ACKR5: variants seen among roughly 807,000 people sequenced by gnomAD.
ACKR5 encodes atypical chemokine receptor 5, also known as G protein-coupled receptor 182.
At chr12:56,994,793 TAAC>T in the ACKR5 span, 13 of 206,640 alleles carry the variant, frequency 6.3e-5, no homozygotes, top group African/African-American at 3.0e-4. Context: ...ACGGTCCAAA[TAAC>T]AAGACAGAAA....
the ACKR5 span, chr12:56,997,108 T>C: frequency 6.6e-6 from 1 of 152,126 alleles, no homozygotes; most frequent in Non-Finnish European, 1.5e-5. Context: ...CACCCTCCCC[T>C]CCCCGTTGTC....
At chr12:56,995,635 C>T in the ACKR5 span, 22 of 1,614,018 alleles carry the variant, frequency 1.4e-5, no homozygotes, top group Non-Finnish European at 1.7e-5. This position sits in a 1 kb window ranked among gnomAD's most constrained non-coding sequence, Gnocchi z 4.7. Context: ...GCAGCATCTT[C>T]TTCCTGGTGT....
chr12:56,994,505 A>G, the ACKR5 span: 1 of 152,566 alleles, frequency 6.6e-6, no homozygotes, highest in African/African-American at 2.4e-5. Flanking sequence ...AGTGACAGCT[A>G]CTTCCCGGAT....
At chr12:56,995,476 C>A in the ACKR5 span, 1 of 1,614,200 alleles carries the variant, frequency 6.2e-7, no homozygotes, top group Admixed American at 1.7e-5. This position sits in a 1 kb window ranked among gnomAD's most constrained non-coding sequence, Gnocchi z 4.7. Flanking sequence ...GGCTGATGAA[C>A]CTCTACATCC....
chr12:56,998,833 T>C, the ACKR5 span: 1 of 152,674 alleles, frequency 6.5e-6, no homozygotes, highest in Non-Finnish European at 1.5e-5. Context: ...AAGAGAACTC[T>C]CATTTCAAAT....
chr12:56,996,104 T>C, the ACKR5 span: 6 of 1,613,704 alleles, frequency 3.7e-6, no homozygotes, highest in Non-Finnish European at 5.1e-6. Flanking sequence ...CCACCTGCTC[T>C]ACTTCTTCTA....
the ACKR5 span, chr12:56,996,964 A>G: frequency 6.5e-6 from 1 of 153,290 alleles, no homozygotes; most frequent in Admixed American, 6.5e-5. Context: ...CACAGCCATG[A>G]TAAGTGAAGG....
the ACKR5 span, chr12:56,994,735 A>G: frequency 4.9e-5 from 8 of 163,650 alleles, no homozygotes; most frequent in Admixed American, 2.2e-4. Flanking sequence ...TTTCCTAGGG[A>G]TGAATCAGAT....
At chr12:56,995,518 CCTGT>C in the ACKR5 span, 1 of 1,614,178 alleles carries the variant, frequency 6.2e-7, no homozygotes. The surrounding 1 kb of genome is among the most constrained non-coding windows in gnomAD (Gnocchi z 4.7). Context: ...TGGGCATTGT[CCTGT>C]CTCTGCCCGT....
At chr12:56,994,772 G>A in the ACKR5 span, 1 of 198,726 alleles carries the variant, frequency 5.0e-6, no homozygotes, top group Non-Finnish European at 1.0e-5. Context: ...GTGTGTGTGT[G>A]TTCCACACTC....
the ACKR5 span, chr12:56,995,764 G>T: frequency 6.2e-7 from 1 of 1,613,912 alleles, no homozygotes; most frequent in Non-Finnish European, 8.5e-7. The surrounding 1 kb of genome is among the most constrained non-coding windows in gnomAD (Gnocchi z 4.7). Flanking sequence ...CCATCATCCC[G>T]CTGCCTGAGG....
chr12:56,996,323 G>A, the ACKR5 span: 1 of 1,614,166 alleles, frequency 6.2e-7, no homozygotes, highest in Admixed American at 1.7e-5. Context: ...CCAGCCTGCT[G>A]CAGCAGCCCC....
the ACKR5 span, chr12:56,997,707 C>A: frequency 6.6e-6 from 1 of 152,228 alleles, no homozygotes; most frequent in Non-Finnish European, 1.5e-5. Flanking sequence ...TGGATGGAAT[C>A]ACTGATAGCC....
chr12:56,996,386 TC>T, the ACKR5 span: 3 of 1,599,242 alleles, frequency 1.9e-6, no homozygotes, highest in Non-Finnish European at 2.6e-6. Context: ...TCCAAATACT[TC>T]CCCCATCTCT....
chr12:56,998,116 A>G, the ACKR5 span: 1 of 152,242 alleles, frequency 6.6e-6, no homozygotes, highest in Admixed American at 6.5e-5. Flanking sequence ...TGATGCCCAT[A>G]TCACTGCCTC....
At chr12:56,995,796 A>G in the ACKR5 span, 1 of 1,614,094 alleles carries the variant, frequency 6.2e-7, no homozygotes. This position sits in a 1 kb window ranked among gnomAD's most constrained non-coding sequence, Gnocchi z 4.7. Context: ...CAGCTGGTGG[A>G]GGGCCCTGAG....
At chr12:56,995,090 C>G in the ACKR5 span, 2 of 840,852 alleles carry the variant, frequency 2.4e-6, no homozygotes, top group Non-Finnish European at 3.8e-6. This position sits in a 1 kb window ranked among gnomAD's most constrained non-coding sequence, Gnocchi z 4.7. Flanking sequence ...TGCCTTAGCC[C>G]CAGAATCTTT....
the ACKR5 span, chr12:56,996,674 G>A: frequency 2.2e-6 from 1 of 457,122 alleles, no homozygotes; most frequent in Non-Finnish European, 4.0e-6. Context: ...AAATGGAAGA[G>A]ATAGCCATGG....
chr12:56,998,346 G>A, the ACKR5 span: 2 of 152,272 alleles, frequency 1.3e-5, no homozygotes, highest in Non-Finnish European at 2.9e-5. Flanking sequence ...GCCATGTGCT[G>A]TGGGGCCAAA....
Sources: gnomAD v4.1 joint callset for allele counts on GRCh38, gnomAD v4.1.1 for gene constraint, Gnocchi (gnomAD v3.1) non-coding constraint, MANE v1.5 for transcripts, NCBI Gene and HGNC (gene_info 2026-07-23, HGNC 2026-07-21) for gene names.